The following ZNF385C variants were observed in gnomAD, a reference collection of about 807,000 sequenced individuals.
ZNF385C encodes the protein CTD-2132N18.2.
ZNF385C carries 28 observed loss-of-function variants against 35.4 expected under a neutral mutation model. That is an observed-to-expected ratio of 0.79 (90% CI 0.59 to 1.08). The LOEUF is 1.08. Among genes scored for constraint, ZNF385C ranks in the 50% least tolerant of loss-of-function variants. ZNF385C has a pLI of 0.00. For missense variants in ZNF385C, 605 were observed against 595.6 expected (o/e 1.02, Z -0.16); for synonymous variants, 248 against 248.2 (o/e 1.00, Z 0.01).
intron 1 of ZNF385C, among the ~76,000 whole-genome samples, chr17:42,070,636 A>C (rs2053611093): frequency 6.6e-6 from 1 of 152,206 alleles, no homozygotes; most frequent in Non-Finnish European, 1.5e-5. Context: ...AAGAGAGGCA[A>C]GTAGGTAGGG....
At chr17:42,074,187 T>C (rs2053661141) in intron 1 of ZNF385C, among the ~76,000 whole-genome samples, 1 of 152,110 alleles carries the variant, frequency 6.6e-6, no homozygotes, top group Non-Finnish European at 1.5e-5. Context: ...CTGACCTGTC[T>C]CCCCCATGAG....
At chr17:42,071,900 C>G (rs781512610) in intron 1 of ZNF385C, among the ~76,000 whole-genome samples, 8 of 152,214 alleles carry the variant, frequency 5.3e-5, no homozygotes, top group Non-Finnish European at 1.0e-4. Flanking sequence ...GTCCTGGAAG[C>G]CAGAAGGAGG....
At chr17:42,040,238 G>C in intron 2 of ZNF385C, 1 of 1,231,582 alleles carries the variant, frequency 8.1e-7, no homozygotes, top group Non-Finnish European at 1.0e-6. Context: ...AGGCCCTTCC[G>C]CATGGAGTCC....
intron 1 of ZNF385C, among the ~76,000 whole-genome samples, chr17:42,090,175 C>T (rs2053849837): frequency 6.6e-6 from 1 of 152,030 alleles, no homozygotes. Flanking sequence ...ACCCCTCCCT[C>T]CTCCTTCTCA....
At chr17:42,069,019 A>G (rs1423785993) in intron 1 of ZNF385C, among the ~76,000 whole-genome samples, 8 of 152,228 alleles carry the variant, frequency 5.3e-5, no homozygotes, top group African/African-American at 1.9e-4. Context: ...GAAAGCAGAG[A>G]AAAAGCGTGT....
chr17:42,047,523 C>A (rs1050880867), intron 2 of ZNF385C, among the ~76,000 whole-genome samples: 1 of 152,046 alleles, frequency 6.6e-6, no homozygotes, highest in Non-Finnish European at 1.5e-5. Flanking sequence ...GACATGTATA[C>A]CAGTGCCCTG....
intron 2 of ZNF385C, among the ~76,000 whole-genome samples, chr17:42,044,851 G>C (rs1454409340): frequency 6.6e-6 from 1 of 151,806 alleles, no homozygotes; most frequent in Non-Finnish European, 1.5e-5. Flanking sequence ...CCAGGCACGA[G>C]GCCAGGATGA....
At chr17:42,089,773 A>G (rs2053845676) in intron 1 of ZNF385C, among the ~76,000 whole-genome samples, 1 of 152,214 alleles carries the variant, frequency 6.6e-6, no homozygotes, top group Non-Finnish European at 1.5e-5. Context: ...CAGCAGCAGA[A>G]TGTGTACGGA....
At chr17:42,034,017 A>T (rs1378057408) in intron 4 of ZNF385C, among the ~76,000 whole-genome samples, 1 of 152,106 alleles carries the variant, frequency 6.6e-6, no homozygotes, top group Non-Finnish European at 1.5e-5. Flanking sequence ...ACAGCTGGGC[A>T]GAAGGGGAAG....
At chr17:42,039,914 G>A (rs948228773) in intron 2 of ZNF385C, 8 of 1,231,154 alleles carry the variant, frequency 6.5e-6, no homozygotes, top group African/African-American at 4.7e-5. Context: ...CCCGCGGGCA[G>A]CGCCAAAGCC....
Position 42,095,295 on chromosome 17 carries a change from G to A in ZNF385C, c.-3+3115C>T, listed in dbSNP as rs188293120. Among the ~76,000 whole-genome samples, 2 of 152,270 alleles carry A rather than the reference G, an allele frequency of 1.3e-5. No individual in the cohort carries two copies. Among genetic ancestry groups the A allele is most frequent in the Non-Finnish European group, 2.9e-5 (2 of 68,014 alleles). On this transcript the variant is annotated intron_variant, in intron 1 of 8. Coordinates refer to ENST00000692273, the MANE Select transcript of ZNF385C (RefSeq NM_001392013.1). The surrounding 1 kb of genome is among the most constrained non-coding windows in gnomAD (Gnocchi z 4.4). ...CAACACCAGCGTACCATTCATTCCC[G>A]CTGGGGATGACCCCCGCCGCCTGGC... is the stretch of plus-strand genomic sequence containing the variant.
In ZNF385C at chr17:42,029,091, G is replaced by A; in HGVS notation, c.677-18C>T. ...TGCAGGAACTGCTGCAGAGATGGAA[G>A]AGTGTGAGACCCAAGATGACGCTGC... is the stretch of plus-strand genomic sequence containing the variant. On this transcript the variant is annotated intron_variant, in intron 5 of 8. Transcript: ENST00000692273. 1.9e-6 allele frequency: 3 copies of A among 1,545,198 alleles called. No individual in the cohort carries two copies. Among genetic ancestry groups the A allele is most frequent in the Non-Finnish European group, 1.7e-6 (2 of 1,143,958 alleles).
chr17:42,028,217 G>A lies in ZNF385C; in HGVS notation c.997C>T (p.Gln333Ter). The A allele has an allele frequency of 6.4e-7, 1 of 1,551,728 alleles. No individual in the cohort carries two copies. Among genetic ancestry groups the A allele is most frequent in the East Asian group, 2.3e-5 (1 of 44,310 alleles). The change falls in exon 7 of 9, where the codon CAG becomes TAG. Residue 333 changes from glutamine (Q) to a stop codon, truncating the protein, a stop_gained. Coordinates refer to ENST00000692273, the MANE Select transcript of ZNF385C (RefSeq NM_001392013.1). LOFTEE classifies it high-confidence loss of function. ...GAKHRWMMEG[Q>*]RGAPRRSRGR... ...CGGCTCCTCCGGGGAGCCCCTCGCT[G>A]ACCTTCCATCATCCACCGGTGCTTG...
At chr17:42,027,494 G>C (rs1421479308) in intron 8 of ZNF385C, 124 bp downstream of exon 8, 3 of 835,828 alleles carry the variant, frequency 3.6e-6, no homozygotes, top group Non-Finnish European at 5.4e-6. Context: ...CTCTGTCACT[G>C]CCCAGCAGCC....
At chr17:42,036,630 G>A (rs1250094288) in intron 3 of ZNF385C, among the ~76,000 whole-genome samples, 1 of 152,200 alleles carries the variant, frequency 6.6e-6, no homozygotes, top group Admixed American at 6.5e-5. Context: ...AAACTTCCCT[G>A]AGAACAGAAA....
rs115157932 is a variant in ZNF385C at position 42,081,888 on chromosome 17, C to T, written c.-3+16522G>A. ...AGATTCAGGAGCCTGGGGTGAGGCC[C>T]AGCATCAACAGGTGCCCAGATTCTG... On this transcript the variant is annotated intron_variant, in intron 1 of 8. Transcript: ENST00000692273. 9.2e-3 allele frequency among the ~76,000 whole-genome samples: 1,400 copies of T among 152,290 alleles called. 24 individuals carry two copies. Among genetic ancestry groups the T allele is most frequent in the African/African-American group, 0.032 (1,345 of 41,536 alleles).
At chr17:42,075,660 C>A (rs7224928) in intron 1 of ZNF385C, among the ~76,000 whole-genome samples, 54,007 of 151,564 alleles carry the variant, frequency 0.36, 11,222 homozygotes, top group African/African-American at 0.57. Context: ...ACGCCCAGCT[C>A]ATTTTTTGTA....
intron 1 of ZNF385C, among the ~76,000 whole-genome samples, chr17:42,066,634 A>C (rs963531901): frequency 2.0e-5 from 3 of 152,190 alleles, no homozygotes; most frequent in Non-Finnish European, 2.9e-5. Context: ...CCCAAAATTC[A>C]ATATGTTGAC....
chr17:42,048,796 C>T (rs79911191), intron 2 of ZNF385C, among the ~76,000 whole-genome samples: 4,301 of 152,176 alleles, frequency 0.028, 81 homozygotes, highest in Non-Finnish European at 0.042. Context: ...TTTGCCTGGA[C>T]GAGTGCAGTT....
Sources: allele counts gnomAD v4.1 joint callset (sites outside exome capture counted in the v4.1 genomes callset), GRCh38; gene constraint gnomAD v4.1.1; non-coding constraint Gnocchi (gnomAD v3.1); transcripts MANE v1.5; gene names NCBI Gene and HGNC (gene_info 2026-07-23, HGNC 2026-07-21).